Variants in AFAP1 observed in about 807,000 individuals in gnomAD.
AFAP1 encodes the protein actin filament associated protein 1.
A neutral mutation model predicts 93.9 loss-of-function variants in AFAP1; 75 were observed. The observed-to-expected ratio is 0.80, with a 90% CI of 0.66 to 0.97. AFAP1 has a LOEUF of 0.97. AFAP1 is among the 50% of genes least tolerant of loss of function. The pLI is 0.00. For missense variants in AFAP1, 1,201 were observed against 1,050.8 expected (o/e 1.14, Z -1.98); for synonymous variants, 517 against 430.7 (o/e 1.20, Z -2.48).
Position 7,908,789 on chromosome 4 carries a change from T to C in AFAP1, c.-3+30867A>G, listed in dbSNP as rs946949056. ...CACCTGTTCTTGTCTGGATGATGCA[T>C]AGTTAACGAAGTCTGAGTGCTTCGT... is the stretch of plus-strand genomic sequence containing the variant. On this transcript the variant is annotated intron_variant, in intron 1 of 17. Coordinates refer to ENST00000420658, the MANE Select transcript of AFAP1 (RefSeq NM_001134647.2). Among the ~76,000 whole-genome samples, 3 of 152,324 alleles carry C rather than the reference T, an allele frequency of 2.0e-5. No homozygotes were observed. The East Asian group carries it at 5.8e-4, about 29-fold the overall frequency.
At position 7,774,910 on chromosome 4, in the gene AFAP1, A is replaced by G. The variant is rs907456296; in HGVS notation, c.1898-7T>C. The G allele has an allele frequency of 1.9e-6, 3 of 1,599,100 alleles. 1 individual carries two copies. In the South Asian group the frequency reaches 3.4e-5, roughly 18 times the overall value. ...TACTTGTACTGGGCAGCATCTTGAGAAGAAAAAAAAGCAGCAATTAAAAAT... is the reference window on the plus strand; with the variant it reads ...TACTTGTACTGGGCAGCATCTTGAGGAGAAAAAAAAGCAGCAATTAAAAAT... On this transcript the variant is annotated splice_region_variant and splice_polypyrimidine_tract_variant and intron_variant, in intron 14 of 17. Coordinates refer to ENST00000420658, the MANE Select transcript of AFAP1 (RefSeq NM_001134647.2).
intron 1 of AFAP1, among the ~76,000 whole-genome samples, chr4:7,896,523 C>A (rs1718777776): frequency 6.6e-6 from 1 of 151,374 alleles, no homozygotes; most frequent in Admixed American, 6.6e-5. Flanking sequence ...GCTATCAAGG[C>A]TCAGTCCTCA....
At chr4:7,854,781 T>A (rs1714862374) in intron 4 of AFAP1, among the ~76,000 whole-genome samples, 1 of 152,202 alleles carries the variant, frequency 6.6e-6, no homozygotes. Context: ...TTCAACTTTC[T>A]TATGAGATGG....
intron 8 of AFAP1, among the ~76,000 whole-genome samples, chr4:7,811,091 T>C (rs62289280): frequency 0.21 from 31,659 of 152,230 alleles, 4,307 homozygotes; most frequent in Non-Finnish European, 0.31. Context: ...AGGGCCGTTA[T>C]GTGCCCAGCA....
chr4:7,874,587 G>T (rs1298505122), intron 1 of AFAP1, among the ~76,000 whole-genome samples: 3 of 102,368 alleles, frequency 2.9e-5, no homozygotes, highest in Admixed American at 1.3e-4. Context: ...GTTTCACCAT[G>T]TTAGCCGGGA....
At chr4:7,936,582 A>ATT (rs56364092) in intron 1 of AFAP1, among the ~76,000 whole-genome samples, 19,633 of 135,456 alleles carry the variant, frequency 0.14, 1,798 homozygotes, top group East Asian at 0.24. Flanking sequence ...ACAAGCGGTA[A>ATT]TTTTTTTTTT....
intron 10 of AFAP1, among the ~76,000 whole-genome samples, chr4:7,797,159 G>A (rs6828807): frequency 0.19 from 28,742 of 152,098 alleles, 3,207 homozygotes; most frequent in African/African-American, 0.31. Context: ...AAATGGTCTC[G>A]CAGTCGATGC....
At chr4:7,891,110 C>T (rs1030545145) in intron 1 of AFAP1, among the ~76,000 whole-genome samples, 5 of 152,102 alleles carry the variant, frequency 3.3e-5, no homozygotes, top group African/African-American at 1.2e-4. Flanking sequence ...AAATAAACTA[C>T]TCACACACAT....
At chr4:7,807,914 G>T (rs1257793356) in intron 9 of AFAP1, among the ~76,000 whole-genome samples, 1 of 152,140 alleles carries the variant, frequency 6.6e-6, no homozygotes, top group Non-Finnish European at 1.5e-5. Context: ...TATTATCCTT[G>T]TGGCATGAGC....
chr4:7,838,243 A>G (rs1489812862), intron 6 of AFAP1, among the ~76,000 whole-genome samples: 1 of 152,220 alleles, frequency 6.6e-6, no homozygotes, highest in African/African-American at 2.4e-5. Context: ...AAGAATTCAT[A>G]TGCAGACACA....
chr4:7,771,028 A>G lies in AFAP1; in HGVS notation c.2253+1792T>C, dbSNP rs148883315. Among the ~76,000 whole-genome samples, 290 of 152,340 alleles carry G rather than the reference A, an allele frequency of 1.9e-3. 2 individuals carry two copies. The highest frequency in any genetic ancestry group is 6.8e-3 in the African/African-American group (281 of 41,576). On this transcript the variant is annotated intron_variant, in intron 16 of 17. Transcript: ENST00000420658. Reference sequence around the variant, plus strand: ...ACTGGGGTTGTCCAAGGCACCTCCTAGCCCTTGGATTCCAATTCCCCCTGC... The same window carrying G: ...ACTGGGGTTGTCCAAGGCACCTCCTGGCCCTTGGATTCCAATTCCCCCTGC...
At chr4:7,874,100 T>C (rs1378000597) in intron 1 of AFAP1, among the ~76,000 whole-genome samples, 1 of 152,228 alleles carries the variant, frequency 6.6e-6, no homozygotes, top group Non-Finnish European at 1.5e-5. Context: ...ATTTGGAAGA[T>C]CTGCACAACT....
intron 8 of AFAP1, among the ~76,000 whole-genome samples, chr4:7,812,197 G>C (rs767135574): frequency 6.6e-6 from 1 of 152,110 alleles, no homozygotes; most frequent in Non-Finnish European, 1.5e-5. Flanking sequence ...ATTCCCGTGA[G>C]CTTTACAAAG....
chr4:7,856,152 T>C (rs1715035867), intron 3 of AFAP1, among the ~76,000 whole-genome samples: 2 of 152,274 alleles, frequency 1.3e-5, no homozygotes, highest in Admixed American at 6.5e-5. Flanking sequence ...AGGAAAACTT[T>C]AAAAAAGCAA....
Position 7,772,863 on chromosome 4 carries a change from A to C in AFAP1, c.2210T>G (p.Leu737Arg). The C allele has an allele frequency of 6.2e-7, 1 of 1,613,638 alleles. No individual in the cohort carries two copies. Among genetic ancestry groups the C allele is most frequent in the Non-Finnish European group, 8.5e-7 (1 of 1,179,982 alleles). The change falls in exon 16 of 18, where the codon CTG (leucine) becomes CGG (arginine). Residue 737 changes from leucine (L) to arginine (R), a missense_variant. Leu to Arg is a moderately radical substitution (Grantham distance 102). Transcript: ENST00000420658. The stretch of plus-strand genomic sequence containing the variant: ...TGACTTGGGCTCGATGGCCAGCCCC[A>C]GGGTGACTCCGCCCGCCAGCGCTTT... ...LKKALAGGVT[L>R]GLAIEPKSGT...
intron 1 of AFAP1, among the ~76,000 whole-genome samples, chr4:7,922,700 T>G (rs554357950): frequency 9.7e-4 from 148 of 152,280 alleles, no homozygotes; most frequent in African/African-American, 3.4e-3. Flanking sequence ...GAAAAATCAC[T>G]GGGCCGGGTG....
chr4:7,769,146 C>T (rs886587535), intron 16 of AFAP1, 138 bp from the exon 17 acceptor site: 1 of 1,179,010 alleles, frequency 8.5e-7, no homozygotes, highest in Non-Finnish European at 1.2e-6. Context: ...CAAGGACTGC[C>T]ACGTGGTCAG....
At chr4:7,895,849 A>T (rs1440364116) in intron 1 of AFAP1, among the ~76,000 whole-genome samples, 1 of 145,572 alleles carries the variant, frequency 6.9e-6, no homozygotes, top group African/African-American at 2.5e-5. Flanking sequence ...TGTTCTTCAG[A>T]AAGTTTTTTT....
At chr4:7,890,164 T>C (rs1288802829) in intron 1 of AFAP1, among the ~76,000 whole-genome samples, 1 of 152,198 alleles carries the variant, frequency 6.6e-6, no homozygotes, top group Non-Finnish European at 1.5e-5. Context: ...GCTACAATTA[T>C]CAATACAGTG....
Sources: allele counts gnomAD v4.1 joint callset (sites outside exome capture counted in the v4.1 genomes callset), GRCh38; gene constraint gnomAD v4.1.1; transcripts MANE v1.5; gene names NCBI Gene and HGNC (gene_info 2026-07-23, HGNC 2026-07-21).